The following VTI1A variants were observed in gnomAD, a reference collection of about 807,000 sequenced individuals.
The protein encoded by VTI1A is vesicle transport through interaction with t-SNAREs 1A, also known as vesicle transport through interaction with t-SNAREs homolog 1A.
VTI1A carries 22 observed loss-of-function variants against 34.9 expected under a neutral mutation model. The ratio of observed to expected loss-of-function variants is 0.63; its 90% CI spans 0.45 to 0.90. VTI1A has a LOEUF of 0.90. VTI1A is among the 40% of genes least tolerant of loss of function. The probability of loss-of-function intolerance (pLI) is 0.00; values close to 1 mark genes in which losing one functional copy is unlikely to be tolerated. For synonymous variants in VTI1A, 87 were observed against 97.3 expected, an observed-to-expected ratio of 0.89 and a Z score of 0.62; for missense variants, 268 against 275.6, an observed-to-expected ratio of 0.97 and a Z score of 0.20.
At chr10:112,687,680 G>T (rs1375654505) in intron 7 of VTI1A, among the ~76,000 whole-genome samples, 1 of 152,042 alleles carries the variant, frequency 6.6e-6, no homozygotes, top group Non-Finnish European at 1.5e-5. Flanking sequence ...GGGCACTGGG[G>T]TTCATTCTTG....
intron 7 of VTI1A, among the ~76,000 whole-genome samples, chr10:112,711,831 A>G (rs1849426928): frequency 6.6e-6 from 1 of 152,210 alleles, no homozygotes; most frequent in Non-Finnish European, 1.5e-5. Context: ...GAAACCCACA[A>G]AGCAGCCATC....
intron 3 of VTI1A, among the ~76,000 whole-genome samples, chr10:112,489,080 T>C (rs1238050452): frequency 1.3e-5 from 2 of 152,184 alleles, no homozygotes; most frequent in Non-Finnish European, 2.9e-5. Flanking sequence ...ATACACAGGT[T>C]GCTGGGTCTA....
intron 3 of VTI1A, among the ~76,000 whole-genome samples, chr10:112,497,093 G>A (rs894071057): frequency 5.9e-5 from 9 of 152,010 alleles, no homozygotes; most frequent in African/African-American, 9.7e-5. Context: ...CGAGGCAGGC[G>A]GATCACCTGA....
intron 7 of VTI1A, among the ~76,000 whole-genome samples, chr10:112,792,558 T>C (rs1325908776): frequency 1.3e-5 from 2 of 152,180 alleles, no homozygotes; most frequent in African/African-American, 4.8e-5. Flanking sequence ...GCACGTTTTA[T>C]GAGCATTGGA....
intron 5 of VTI1A, among the ~76,000 whole-genome samples, chr10:112,544,163 C>T (rs1023765414): frequency 6.6e-6 from 1 of 152,190 alleles, no homozygotes; most frequent in Middle Eastern, 3.2e-3. Context: ...GCAATGCGGG[C>T]TCTTTTTTGG....
At chr10:112,819,129 G>A (rs973875542), downstream of VTI1A, among the ~76,000 whole-genome samples, 14 of 152,266 alleles carry the variant, frequency 9.2e-5, no homozygotes, top group South Asian at 2.1e-4. Flanking sequence ...TTCAGCAGGC[G>A]TTCTTCATGG....
intron 4 of VTI1A, among the ~76,000 whole-genome samples, chr10:112,529,116 A>C (rs1850341711): frequency 6.6e-6 from 1 of 152,178 alleles, no homozygotes; most frequent in Admixed American, 6.5e-5. Flanking sequence ...CCTGAAGTTT[A>C]CATGTAAGGA....
At chr10:112,460,126 T>C (rs572336585) in intron 1 of VTI1A, among the ~76,000 whole-genome samples, 1 of 152,336 alleles carries the variant, frequency 6.6e-6, no homozygotes, top group African/African-American at 2.4e-5. Context: ...TTTTAGGAAG[T>C]GTTTTTGTAT....
intron 3 of VTI1A, among the ~76,000 whole-genome samples, chr10:112,491,936 A>T (rs1399648436): frequency 6.6e-6 from 1 of 152,122 alleles, no homozygotes; most frequent in African/African-American, 2.4e-5. Context: ...AGCACATTAG[A>T]ATCACCTGCA....
At chr10:112,666,820 A>T (rs1184699875) in intron 5 of VTI1A, among the ~76,000 whole-genome samples, 1 of 152,194 alleles carries the variant, frequency 6.6e-6, no homozygotes, top group African/African-American at 2.4e-5. Context: ...TTATCATTCA[A>T]TAAATGCTTA....
intron 1 of VTI1A, among the ~76,000 whole-genome samples, chr10:112,459,846 G>A (rs1432379814): frequency 6.6e-6 from 1 of 152,166 alleles, no homozygotes; most frequent in Non-Finnish European, 1.5e-5. Flanking sequence ...CAGAGACTTA[G>A]CACTTTATAA....
chr10:112,846,907 A>T, the VTI1A span, among the ~76,000 whole-genome samples: 1 of 152,228 alleles, frequency 6.6e-6, no homozygotes, highest in Non-Finnish European at 1.5e-5. Context: ...GAGACCCAAG[A>T]TATACTTTGG....
At chr10:112,508,266 G>A (rs963184779) in intron 3 of VTI1A, among the ~76,000 whole-genome samples, 1 of 152,150 alleles carries the variant, frequency 6.6e-6, no homozygotes, top group African/African-American at 2.4e-5. Flanking sequence ...TCTTTACGAA[G>A]TGTATTTTGG....
At chr10:112,593,728 C>CT (rs1388311014) in intron 5 of VTI1A, among the ~76,000 whole-genome samples, 2 of 151,804 alleles carry the variant, frequency 1.3e-5, no homozygotes, top group Non-Finnish European at 2.9e-5. Flanking sequence ...TGGTCTCCAT[C>CT]TTTTTTTTAT....
chr10:112,781,064 C>T (rs1852109197), intron 7 of VTI1A, among the ~76,000 whole-genome samples: 1 of 152,140 alleles, frequency 6.6e-6, no homozygotes, highest in Non-Finnish European at 1.5e-5. Context: ...CCTGCCTCAG[C>T]CTCCCAAGTA....
intron 5 of VTI1A, among the ~76,000 whole-genome samples, chr10:112,591,301 A>C (rs1844377001): frequency 6.6e-6 from 1 of 152,160 alleles, no homozygotes; most frequent in Non-Finnish European, 1.5e-5. Context: ...CAGGCGGATC[A>C]TGAGGTCAGG....
intron 7 of VTI1A, among the ~76,000 whole-genome samples, chr10:112,726,793 A>C (rs1194622241): frequency 6.6e-6 from 1 of 152,142 alleles, no homozygotes; most frequent in Non-Finnish European, 1.5e-5. Flanking sequence ...CCTGATGTGC[A>C]CTGGCTTGTT....
At chr10:112,621,296 G>T (rs1298588349) in intron 5 of VTI1A, among the ~76,000 whole-genome samples, 1 of 152,140 alleles carries the variant, frequency 6.6e-6, no homozygotes, top group Non-Finnish European at 1.5e-5. Context: ...CATATTAATG[G>T]TTCTAAGAAG....
intron 7 of VTI1A, chr10:112,671,985 T>C (rs567558133): frequency 1.3e-5 from 2 of 152,304 alleles, no homozygotes; most frequent in South Asian, 4.1e-4. Context: ...CAGAGTACTT[T>C]AGTGTAGTAG....
Sources: gnomAD v4.1 joint callset for allele counts (sites outside exome capture counted in the v4.1 genomes callset) on GRCh38, gnomAD v4.1.1 for gene constraint, MANE v1.5 for transcripts, NCBI Gene and HGNC (gene_info 2026-07-23, HGNC 2026-07-21) for gene names.